Variants in GJA3 observed in about 807,000 individuals in gnomAD.
GJA3 encodes gap junction protein alpha 3.
For synonymous variants in GJA3, 297 were observed against 292.6 expected (o/e 1.02, Z -0.15); for missense variants, 571 against 620.3 (o/e 0.92, Z 0.84).
intron 1 of GJA3, among the ~76,000 whole-genome samples, chr13:20,154,380 A>G (rs1389164660): frequency 6.6e-6 from 1 of 152,122 alleles, no homozygotes; most frequent in Non-Finnish European, 1.5e-5. Flanking sequence ...CTTGATTGTT[A>G]TTAGTACTTA....
rs1255559282 is a variant in GJA3, at chr13:20,150,120, C to A, written c.-17-6815G>T. Reference sequence around the variant, plus strand: ...AAAAGCTATGAACCAGAGGCTAACCCTGGTGACCGGGAAAATGATGGCACC... The same window carrying A: ...AAAAGCTATGAACCAGAGGCTAACCATGGTGACCGGGAAAATGATGGCACC... On this transcript the variant is annotated intron_variant, in intron 1 of 1. Coordinates refer to ENST00000241125, the MANE Select transcript of GJA3 (RefSeq NM_021954.4). 2.0e-5 allele frequency among the ~76,000 whole-genome samples: 3 copies of A among 152,196 alleles called. No individual in the cohort carries two copies. In the East Asian group the frequency reaches 5.8e-4, roughly 29 times the overall value.
chr13:20,152,740 G>A (rs1958886199), intron 1 of GJA3, among the ~76,000 whole-genome samples: 1 of 152,194 alleles, frequency 6.6e-6, no homozygotes, highest in Admixed American at 6.5e-5. Context: ...ATAATATGGA[G>A]TAAAGCTAGG....
At chr13:20,143,775 C>G (rs968171266) in intron 1 of GJA3, among the ~76,000 whole-genome samples, 1 of 152,230 alleles carries the variant, frequency 6.6e-6, no homozygotes, top group Non-Finnish European at 1.5e-5. Flanking sequence ...CTTTTTCTGT[C>G]TTCACATCAA....
At chr13:20,158,498 C>CA (rs1958918171) in intron 1 of GJA3, among the ~76,000 whole-genome samples, 1 of 151,730 alleles carries the variant, frequency 6.6e-6, no homozygotes, top group African/African-American at 2.4e-5. Flanking sequence ...TATCTAGTAT[C>CA]ATTAGTTTGT....
chr13:20,148,388 T>C lies in GJA3; in HGVS notation c.-17-5083A>G, dbSNP rs1236694448. On this transcript the variant is annotated intron_variant, in intron 1 of 1. Coordinates refer to ENST00000241125, the MANE Select transcript of GJA3 (RefSeq NM_021954.4). ...GATTCTCCCACCTCAGCCTACCAAG[T>C]AGCTGGGACTACAGGTATGCACCAT... Among the ~76,000 whole-genome samples the C allele has an allele frequency of 2.0e-5, 3 of 150,932 alleles. 1 individual carries two copies. In the East Asian group the frequency reaches 5.8e-4, roughly 29 times the overall value.
At chr13:20,145,097 G>A (rs1958834303) in intron 1 of GJA3, among the ~76,000 whole-genome samples, 1 of 152,136 alleles carries the variant, frequency 6.6e-6, no homozygotes, top group Admixed American at 6.5e-5. Flanking sequence ...CAGGAGAATT[G>A]CTTGAACCTG....
rs1958933444 is a variant in GJA3 at position 20,160,914 on chromosome 13, G to A, written c.-42C>T. ...CCCCGCTCTGCCGCGGCGGCGACCC[G>A]GGTGCGTTCCTCCGGAGCAGGGCTC... On this transcript the variant is annotated 5_prime_UTR_variant, in exon 1 of 2. Coordinates refer to ENST00000241125, the MANE Select transcript of GJA3 (RefSeq NM_021954.4). 1.3e-5 allele frequency: 2 copies of A among 151,374 alleles called. No homozygotes were observed. The highest frequency in any genetic ancestry group is 4.9e-5 in the African/African-American group (2 of 41,192). 9.4% of individuals were successfully genotyped at this position (151,374 alleles called of 1,614,324 possible).
intron 1 of GJA3, among the ~76,000 whole-genome samples, chr13:20,150,479 G>A (rs992536005): frequency 2.6e-5 from 4 of 152,096 alleles, no homozygotes; most frequent in Non-Finnish European, 5.9e-5. Flanking sequence ...AGGCACCCTC[G>A]GTCTGTGCCT....
intron 1 of GJA3, among the ~76,000 whole-genome samples, chr13:20,159,223 T>C (rs181646426): frequency 2.9e-4 from 44 of 151,874 alleles, no homozygotes; most frequent in African/African-American, 8.7e-4. Flanking sequence ...GCAAAACAAT[T>C]AAGATCCAGT....
At position 20,142,758 on chromosome 13, in the gene GJA3, C is replaced by T. The variant is rs532650165; in HGVS notation, c.531G>A (p.Pro177=). 4 of 1,613,606 alleles carry T rather than the reference C, an allele frequency of 2.5e-6. No homozygotes were observed. Among genetic ancestry groups the T allele is most frequent in the African/African-American group, 1.3e-5 (1 of 75,060 alleles). Residue 177 remains proline, a synonymous_variant, in exon 2 of 2, where the codon CCG becomes CCA. Coordinates refer to ENST00000241125, the MANE Select transcript of GJA3 (RefSeq NM_021954.4). ...AGGGCCAGCGGTCGCAGCGGTAGAGCGGCTTCAGCTCGAAGCCGTACAGAA... is the reference window on the plus strand; with the variant it reads ...AGGGCCAGCGGTCGCAGCGGTAGAGTGGCTTCAGCTCGAAGCCGTACAGAA... ...QYFLYGFELK[P]LYRCDRWPCP...
At position 20,142,238 on chromosome 13, in the gene GJA3, C is replaced by G; in HGVS notation, c.1051G>C (p.Ala351Pro). ...KAYPAASTPAAPSPVGSSSPP... is the reference protein window; with the variant it reads ...KAYPAASTPAPPSPVGSSSPP... Reference sequence around the variant, plus strand: ...GAGCTGCTGCCGACGGGGCTGGGGGCTGCAGGCGTGGACGCTGCCGGGTAA... The same window carrying G: ...GAGCTGCTGCCGACGGGGCTGGGGGGTGCAGGCGTGGACGCTGCCGGGTAA... Residue 351 changes from alanine (A) to proline (P), a missense_variant, in exon 2 of 2, where the codon GCC (alanine) becomes CCC (proline). Coordinates refer to ENST00000241125, the MANE Select transcript of GJA3 (RefSeq NM_021954.4). The G allele has an allele frequency of 6.5e-7, 1 of 1,533,178 alleles. No homozygotes were observed. Among genetic ancestry groups the G allele is most frequent in the South Asian group, 1.2e-5 (1 of 82,834 alleles). 95.0% of individuals were successfully genotyped at this position (1,533,178 alleles called of 1,614,324 possible).
intron 1 of GJA3, among the ~76,000 whole-genome samples, chr13:20,144,392 C>T (rs974097602): frequency 8.5e-5 from 13 of 152,180 alleles, no homozygotes; most frequent in African/African-American, 1.9e-4. Context: ...AGAAACAGCA[C>T]GCCCAGACTC....
chr13:20,147,876 G>T (rs1333124629), intron 1 of GJA3, among the ~76,000 whole-genome samples: 1 of 151,830 alleles, frequency 6.6e-6, no homozygotes, highest in East Asian at 1.9e-4. Context: ...AATGACTGTG[G>T]GATCACCGAG....
At position 20,142,236 on chromosome 13, in the gene GJA3, G is replaced by A; in HGVS notation, c.1053C>T (p.Ala351=). The A allele has an allele frequency of 6.5e-7, 1 of 1,533,578 alleles. No individual in the cohort carries two copies. Among genetic ancestry groups the A allele is most frequent in the Non-Finnish European group, 8.7e-7 (1 of 1,144,450 alleles). 95.0% of individuals were successfully genotyped at this position (1,533,578 alleles called of 1,614,324 possible). A position where few individuals can be genotyped will look rare whatever the true frequency, so the allele number is the denominator to read the frequency against. ...KAYPAASTPA[A]PSPVGSSSPP... is the part of the protein sequence containing the mutation. ...GGGAGCTGCTGCCGACGGGGCTGGG[G>A]GCTGCAGGCGTGGACGCTGCCGGGT... The change falls in exon 2 of 2, where the codon GCC becomes GCT. Residue 351 remains alanine, a synonymous_variant. Transcript: ENST00000241125.
At chr13:20,150,492 C>T (rs551819210) in intron 1 of GJA3, among the ~76,000 whole-genome samples, 12 of 152,276 alleles carry the variant, frequency 7.9e-5, no homozygotes, top group African/African-American at 2.2e-4. Flanking sequence ...CTGTGCCTGA[C>T]GAGCATCCCC....
chr13:20,152,187 G>C (rs1372330662), intron 1 of GJA3, among the ~76,000 whole-genome samples: 3 of 152,112 alleles, frequency 2.0e-5, no homozygotes, highest in Non-Finnish European at 4.4e-5. Flanking sequence ...GAAGGGCAGG[G>C]GAGGAGGAAA....
chr13:20,158,932 A>AAAAAG (rs1958921541), intron 1 of GJA3, among the ~76,000 whole-genome samples: 1 of 148,410 alleles, frequency 6.7e-6, no homozygotes, highest in Admixed American at 6.7e-5. Context: ...AAAAAAAAAA[A>AAAAAG]AAAAGAAAAA....
In GJA3 at chr13:20,142,852, A is replaced by T; in HGVS notation, c.437T>A (p.Leu146Gln). The change falls in exon 2 of 2, where the codon CTG becomes CAG. Residue 146 changes from leucine (L) to glutamine (Q), a missense_variant. Coordinates refer to ENST00000241125, the MANE Select transcript of GJA3 (RefSeq NM_021954.4). ...GATGATGTTGAAGACGTAGGTCCGC[A>T]GCAGCGCCCCGGCCATGCGCACCCT... Reference protein sequence around the residue: ...RGRVRMAGALLRTYVFNIIFK... With the variant: ...RGRVRMAGALQRTYVFNIIFK... 6.2e-7 allele frequency: 1 copy of T among 1,612,764 alleles called. No individual in the cohort carries two copies. The highest frequency in any genetic ancestry group is 8.5e-7 in the Non-Finnish European group (1 of 1,179,532).
At chr13:20,147,341 A>G (rs1351081803) in intron 1 of GJA3, among the ~76,000 whole-genome samples, 1 of 152,212 alleles carries the variant, frequency 6.6e-6, no homozygotes, top group Non-Finnish European at 1.5e-5. Context: ...CTTGCAAGTG[A>G]AAAAGAATCC....
Sources: allele counts gnomAD v4.1 joint callset (sites outside exome capture counted in the v4.1 genomes callset), GRCh38; gene constraint gnomAD v4.1.1; transcripts MANE v1.5; gene names NCBI Gene and HGNC (gene_info 2026-07-23, HGNC 2026-07-21).